Variants in PEX7 observed in about 807,000 individuals in gnomAD.
The protein encoded by PEX7 is PTS2 receptor.
A neutral mutation model predicts 47.5 loss-of-function variants in PEX7; 34 were observed. That is an observed-to-expected ratio of 0.72 (90% CI 0.54 to 0.95). PEX7 has a LOEUF of 0.95. Among genes scored for constraint, PEX7 ranks in the 40% least tolerant of loss-of-function variants. PEX7 has a pLI of 0.00. For synonymous variants in PEX7, 141 were observed against 148.8 expected (o/e 0.95, Z 0.38); for missense variants, 394 against 400.3 (o/e 0.98, Z 0.13).
At chr6:136,878,739 G>T (rs534768355) in intron 8 of PEX7, among the ~76,000 whole-genome samples, 3 of 152,108 alleles carry the variant, frequency 2.0e-5, no homozygotes, top group Non-Finnish European at 4.4e-5. Context: ...ATTAGAATAT[G>T]TAAGTTTAAC....
At chr6:136,897,845 C>T (rs1274125908) in intron 8 of PEX7, among the ~76,000 whole-genome samples, 2 of 151,978 alleles carry the variant, frequency 1.3e-5, no homozygotes, top group Non-Finnish European at 2.9e-5. Flanking sequence ...AATATAAAAA[C>T]ATTTTTTAAA....
intron 8 of PEX7, among the ~76,000 whole-genome samples, chr6:136,884,719 AAG>A (rs1200899593): frequency 6.6e-6 from 1 of 152,190 alleles, no homozygotes; most frequent in African/African-American, 2.4e-5. Context: ...ATAACTAATG[AAG>A]ATCTAAGAAG....
chr6:136,901,553 A>C (rs1775754681), intron 9 of PEX7: 1 of 152,220 alleles, frequency 6.6e-6, no homozygotes, highest in Non-Finnish European at 1.5e-5. Context: ...CTCTGCACTT[A>C]ACAGTTGTGT....
chr6:136,862,031 A>T (rs896318449), intron 5 of PEX7, among the ~76,000 whole-genome samples: 14 of 142,788 alleles, frequency 9.8e-5, no homozygotes, highest in Admixed American at 7.1e-5. Context: ...ATATATATAT[A>T]TTTTATATAT....
chr6:136,900,370 G>A lies in PEX7; in HGVS notation c.903+2129G>A, dbSNP rs145616961. 48 of 268,066 alleles carry A rather than the reference G, an allele frequency of 1.8e-4. No homozygotes were observed. The East Asian group carries it at 2.8e-3, about 16-fold the overall frequency. 16.6% of individuals were successfully genotyped at this position (268,066 alleles called of 1,614,324 possible). A position where few individuals can be genotyped will look rare whatever the true frequency, so the allele number is the denominator to read the frequency against. On this transcript the variant is annotated intron_variant, in intron 9 of 9. Coordinates refer to ENST00000318471, the MANE Select transcript of PEX7 (RefSeq NM_000288.4). This position sits in a 1 kb window ranked among gnomAD's most constrained non-coding sequence, Gnocchi z 4.2. ...ATTTTTATGTACAGAAAACTCAACC[G>A]TGTACATTTAATCCAGTTTAGTGGC...
intron 6 of PEX7, among the ~76,000 whole-genome samples, chr6:136,867,177 A>T (rs1184306159): frequency 1.3e-5 from 2 of 152,166 alleles, no homozygotes; most frequent in African/African-American, 4.8e-5. Flanking sequence ...ACCAATTTTC[A>T]TGCCTCTGTA....
intron 1 of PEX7, chr6:136,823,265 T>C: frequency 1.0e-6 from 1 of 985,436 alleles, no homozygotes. Context: ...CGGGCTGGCC[T>C]TCCTAAGGAC....
chr6:136,822,599 C>A lies in PEX7; in HGVS notation c.-67C>A. The A allele has an allele frequency of 7.1e-7, 1 of 1,417,792 alleles. No individual in the cohort carries two copies. The highest frequency in any genetic ancestry group is 9.6e-7 in the Non-Finnish European group (1 of 1,044,306). 87.8% of individuals were successfully genotyped at this position (1,417,792 alleles called of 1,614,324 possible). On this transcript the variant is annotated 5_prime_UTR_variant, in exon 1 of 10. Transcript: ENST00000318471. ...GGTCTGCCTGGTCTCTCTAACCGCG[C>A]CAGTGTGCCTCCGACTCGGAACGGC... is the stretch of plus-strand genomic sequence containing the variant.
intron 3 of PEX7, among the ~76,000 whole-genome samples, chr6:136,827,168 C>T (rs1467742982): frequency 1.3e-5 from 2 of 152,098 alleles, no homozygotes; most frequent in African/African-American, 4.8e-5. Flanking sequence ...GTGCCTGGCC[C>T]GAGAAGGCCC....
chr6:136,862,650 A>G (rs899919551), intron 5 of PEX7, among the ~76,000 whole-genome samples: 2 of 152,208 alleles, frequency 1.3e-5, no homozygotes, highest in African/African-American at 2.4e-5. Context: ...TGCTGGGATT[A>G]CAGGTGTAAA....
chr6:136,846,643 T>C (rs1005023905), intron 5 of PEX7, among the ~76,000 whole-genome samples: 2 of 152,212 alleles, frequency 1.3e-5, no homozygotes, highest in African/African-American at 4.8e-5. Context: ...GGTTTCCAGC[T>C]TTGTCCATGT....
intron 8 of PEX7, among the ~76,000 whole-genome samples, chr6:136,878,117 G>A (rs1168829290): frequency 1.3e-5 from 2 of 152,124 alleles, no homozygotes; most frequent in Non-Finnish European, 2.9e-5. Flanking sequence ...TCTATTATTG[G>A]TGCATAGGAA....
At chr6:136,911,564 C>A (rs776293653) in intron 9 of PEX7, among the ~76,000 whole-genome samples, 4 of 152,072 alleles carry the variant, frequency 2.6e-5, no homozygotes, top group Non-Finnish European at 2.9e-5. Flanking sequence ...CACCACCACA[C>A]CTGGCTCATT....
At chr6:136,869,082 T>A (rs1257015404) in intron 6 of PEX7, among the ~76,000 whole-genome samples, 2 of 151,994 alleles carry the variant, frequency 1.3e-5, no homozygotes, top group Non-Finnish European at 1.5e-5. Context: ...CAGAGTATGT[T>A]GAAACCCTTT....
intron 8 of PEX7, among the ~76,000 whole-genome samples, chr6:136,876,279 C>T (rs1775271030): frequency 6.6e-6 from 1 of 152,164 alleles, no homozygotes; most frequent in African/African-American, 2.4e-5. Flanking sequence ...CCTCGTGATC[C>T]ACCCGCCTCA....
At chr6:136,829,860 A>G (rs2115138037) in intron 3 of PEX7, 6 of 608,628 alleles carry the variant, frequency 9.9e-6, no homozygotes, top group South Asian at 4.0e-5. Context: ...TCATTTGAGC[A>G]TGGGAGGTGG....
intron 5 of PEX7, among the ~76,000 whole-genome samples, chr6:136,847,952 C>G (rs372727971): frequency 1.3e-5 from 2 of 152,262 alleles, no homozygotes; most frequent in African/African-American, 2.4e-5. Context: ...GCCATTTTCA[C>G]GATATTGATT....
chr6:136,836,333 C>G (rs1188637724), intron 3 of PEX7, among the ~76,000 whole-genome samples: 1 of 151,248 alleles, frequency 6.6e-6, no homozygotes, highest in Non-Finnish European at 1.5e-5. Flanking sequence ...AAAAATAATT[C>G]AAAAACTAAT....
chr6:136,838,868 G>A (rs762847532), intron 3 of PEX7, among the ~76,000 whole-genome samples: 2 of 152,034 alleles, frequency 1.3e-5, no homozygotes. Flanking sequence ...TAAAATTTCC[G>A]TAATGAAAAA....
Sources: gnomAD v4.1 joint callset for allele counts (sites outside exome capture counted in the v4.1 genomes callset) on GRCh38, gnomAD v4.1.1 for gene constraint, Gnocchi (gnomAD v3.1) non-coding constraint, MANE v1.5 for transcripts, NCBI Gene and HGNC (gene_info 2026-07-23, HGNC 2026-07-21) for gene names.